The following RBM47 variants were observed in gnomAD, a reference collection of about 807,000 sequenced individuals.
RBM47 encodes RNA-binding protein 47.
RBM47 carries 21 observed loss-of-function variants against 47.1 expected under a neutral mutation model. The ratio of observed to expected loss-of-function variants is 0.45; its 90% CI spans 0.32 to 0.64. The LOEUF is 0.64. Among genes scored for constraint, RBM47 ranks in the 30% least tolerant of loss-of-function variants. RBM47 has a pLI of 0.05. For missense variants in RBM47, 708 were observed against 870.9 expected, an observed-to-expected ratio of 0.81 and a Z score of 2.35; for synonymous variants, 375 against 361.7, an observed-to-expected ratio of 1.04 and a Z score of -0.42.
chr4:40,483,654 C>A (rs1720717019), intron 2 of RBM47, among the ~76,000 whole-genome samples: 2 of 152,128 alleles, frequency 1.3e-5, no homozygotes. Flanking sequence ...TGAGATTGTG[C>A]CACTGGACTC....
chr4:40,629,208 C>A (rs1738008101), intron 1 of RBM47, among the ~76,000 whole-genome samples, 188 bp downstream of exon 1: 1 of 152,116 alleles, frequency 6.6e-6, no homozygotes, highest in South Asian at 2.1e-4. Context: ...CAGAGGTTGA[C>A]CCTTTTAAAA....
At chr4:40,557,749 TAA>T (rs5857736) in intron 1 of RBM47, among the ~76,000 whole-genome samples, 4 of 150,808 alleles carry the variant, frequency 2.7e-5, no homozygotes, top group East Asian at 3.9e-4. Context: ...AACCCCACCT[TAA>T]AAAAAAAAAT....
chr4:40,617,897 T>C (rs1227927330), intron 1 of RBM47, among the ~76,000 whole-genome samples: 1 of 152,082 alleles, frequency 6.6e-6, no homozygotes, highest in Non-Finnish European at 1.5e-5. Flanking sequence ...TACTTTATAT[T>C]TGCCAATATG....
intron 2 of RBM47, among the ~76,000 whole-genome samples, chr4:40,492,255 A>G (rs371675874): frequency 1.3e-5 from 2 of 152,094 alleles, no homozygotes; most frequent in East Asian, 3.9e-4. Context: ...CTGTAGTCCC[A>G]GCTACTTCGG....
At chr4:40,527,395 T>C (rs1577886759) in intron 2 of RBM47, among the ~76,000 whole-genome samples, 2 of 148,708 alleles carry the variant, frequency 1.3e-5, no homozygotes, top group South Asian at 2.1e-4. Flanking sequence ...CAAGCGATCC[T>C]CCTGCCTCAG....
chr4:40,453,826 T>C (rs992087569), intron 3 of RBM47, among the ~76,000 whole-genome samples: 1 of 151,588 alleles, frequency 6.6e-6, no homozygotes. Context: ...TGTTCTTTGC[T>C]CTCAGAGGTC....
intron 1 of RBM47, among the ~76,000 whole-genome samples, chr4:40,559,481 G>T (rs1730410403): frequency 6.6e-6 from 1 of 152,206 alleles, no homozygotes; most frequent in African/African-American, 2.4e-5. Flanking sequence ...AATGTCAAGT[G>T]AGAAAGCCTG....
intron 2 of RBM47, among the ~76,000 whole-genome samples, chr4:40,483,793 T>C (rs968411024): frequency 2.0e-5 from 3 of 152,228 alleles, no homozygotes; most frequent in African/African-American, 7.2e-5. Flanking sequence ...AGTGATTAAG[T>C]GTCACACTTC....
At chr4:40,608,112 A>G (rs1307004653) in intron 1 of RBM47, among the ~76,000 whole-genome samples, 5 of 152,104 alleles carry the variant, frequency 3.3e-5, no homozygotes, top group Non-Finnish European at 7.4e-5. Flanking sequence ...CAAAAAAAAA[A>G]GGTGAATTTT....
At chr4:40,456,751 C>A (rs1301678195) in intron 3 of RBM47, among the ~76,000 whole-genome samples, 1 of 151,644 alleles carries the variant, frequency 6.6e-6, no homozygotes, top group Admixed American at 6.6e-5. Context: ...GTCCTCACCA[C>A]CACGCCTGGC....
At chr4:40,557,970 G>A (rs190517216) in intron 1 of RBM47, among the ~76,000 whole-genome samples, 32 of 152,184 alleles carry the variant, frequency 2.1e-4, no homozygotes, top group African/African-American at 7.5e-4. Context: ...CTTTTTTAAT[G>A]TGTACTCTGG....
intron 1 of RBM47, among the ~76,000 whole-genome samples, chr4:40,622,178 A>G (rs1737326247): frequency 6.6e-6 from 1 of 152,248 alleles, no homozygotes; most frequent in South Asian, 2.1e-4. Context: ...GGAGAGACAG[A>G]TAATAGGTCA....
chr4:40,605,315 C>G (rs1735666346), intron 1 of RBM47, among the ~76,000 whole-genome samples: 1 of 151,970 alleles, frequency 6.6e-6, no homozygotes, highest in African/African-American at 2.4e-5. Context: ...GTGAACCACT[C>G]TGCCCGGCGC....
intron 1 of RBM47, among the ~76,000 whole-genome samples, chr4:40,572,087 GA>G (rs34395607): frequency 0.043 from 5,360 of 125,884 alleles, 225 homozygotes; most frequent in African/African-American, 0.11. Flanking sequence ...AAAACTACTG[GA>G]AAAAAAAAAA....
At chr4:40,544,106 A>C (rs1728795277) in intron 2 of RBM47, 1 of 152,170 alleles carries the variant, frequency 6.6e-6, no homozygotes, top group African/African-American at 2.4e-5. Context: ...ATATGCAGTA[A>C]TGCTACAGGA....
At chr4:40,613,650 C>T (rs1736435134) in intron 1 of RBM47, among the ~76,000 whole-genome samples, 1 of 152,020 alleles carries the variant, frequency 6.6e-6, no homozygotes, top group African/African-American at 2.4e-5. Flanking sequence ...GAATGCTGTT[C>T]ATGGTGTGTA....
chr4:40,537,482 G>T (rs1728099486), intron 2 of RBM47, among the ~76,000 whole-genome samples: 1 of 152,022 alleles, frequency 6.6e-6, no homozygotes, highest in African/African-American at 2.4e-5. Flanking sequence ...GAACCCCTGG[G>T]TTCAAGCAAT....
chr4:40,578,336 A>C (rs955139951), intron 1 of RBM47, among the ~76,000 whole-genome samples: 2 of 152,246 alleles, frequency 1.3e-5, no homozygotes, highest in African/African-American at 4.8e-5. Flanking sequence ...CTTCTACTTT[A>C]TAAAGCCAAG....
intron 1 of RBM47, among the ~76,000 whole-genome samples, chr4:40,603,591 CCTCT>C (rs985018455): frequency 2.6e-5 from 4 of 151,608 alleles, no homozygotes; most frequent in Admixed American, 1.3e-4. Context: ...CCTCTTCTCT[CCTCT>C]CTCTCCCTCT....
Sources: allele counts gnomAD v4.1 joint callset (sites outside exome capture counted in the v4.1 genomes callset), GRCh38; gene constraint gnomAD v4.1.1; transcripts MANE v1.5; gene names NCBI Gene and HGNC (gene_info 2026-07-23, HGNC 2026-07-21).